DPYD: variants seen among roughly 807,000 people sequenced by gnomAD.
DPYD encodes the protein dihydropyrimidine dehydrogenase.
A neutral mutation model predicts 116.2 loss-of-function variants in DPYD; 109 were observed. That is an observed-to-expected ratio of 0.94 (90% CI 0.80 to 1.10). The LOEUF is 1.10. Ranked by LOEUF, DPYD falls within the 50% of genes least tolerant of loss-of-function variation. The pLI is 0.00. For synonymous variants in DPYD, 440 were observed against 432.0 expected (o/e 1.02, Z -0.23); for missense variants, 1,302 against 1,254.5 (o/e 1.04, Z -0.57).
chr1:97,805,679 C>G (rs1457483421), intron 3 of DPYD, among the ~76,000 whole-genome samples: 1 of 151,462 alleles, frequency 6.6e-6, no homozygotes. Context: ...CATAAGAGAT[C>G]TGAGAAAGCA....
intron 19 of DPYD, among the ~76,000 whole-genome samples, chr1:97,202,067 C>CT (rs1160871978): frequency 6.6e-6 from 1 of 152,028 alleles, no homozygotes; most frequent in Admixed American, 6.6e-5. Flanking sequence ...AGAAATCTGG[C>CT]TTTGAGTTCA....
intron 19 of DPYD, among the ~76,000 whole-genome samples, chr1:97,203,778 C>A (rs1570662722): frequency 1.3e-5 from 1 of 77,156 alleles, no homozygotes; most frequent in African/African-American, 5.6e-5. Context: ...AATAACTAAG[C>A]AGACATTCAC....
chr1:97,539,406 C>T (rs1650261359), intron 12 of DPYD, among the ~76,000 whole-genome samples: 1 of 151,970 alleles, frequency 6.6e-6, no homozygotes, highest in Non-Finnish European at 1.5e-5. Context: ...GTGCTCTATA[C>T]AAATTATTTT....
intron 14 of DPYD, among the ~76,000 whole-genome samples, chr1:97,401,606 G>A (rs762969602): frequency 3.7e-4 from 57 of 152,178 alleles, no homozygotes; most frequent in Non-Finnish European, 7.1e-4. Flanking sequence ...GAGCCACTGC[G>A]CCCAGCCAGA....
Position 97,549,662 on chromosome 1 carries a change from T to C in DPYD, c.1422A>G (p.Ala474=). The change falls in exon 12 of 23, where the codon GCA becomes GCG. Residue 474 remains alanine, a synonymous_variant. Transcript: ENST00000370192. ...VDPETMQTSE[A]WVFAGGDVVG... ...CGACATCACCACCTGCAAATACCCA[T>C]GCTTCACTAGTTTGCATAGTTTCTG... is the stretch of plus-strand genomic sequence containing the variant. 4 of 1,613,914 alleles carry C rather than the reference T, an allele frequency of 2.5e-6. No homozygotes were observed. Among genetic ancestry groups the C allele is most frequent in the Non-Finnish European group, 3.4e-6 (4 of 1,179,896 alleles).
At chr1:97,803,423 GA>G in intron 3 of DPYD, among the ~76,000 whole-genome samples, 1 of 151,892 alleles carries the variant, frequency 6.6e-6, no homozygotes, top group East Asian at 1.9e-4. Context: ...AAAATAGTAT[GA>G]CAGAAAAAAA....
intron 2 of DPYD, among the ~76,000 whole-genome samples, chr1:97,872,521 G>A (rs1349634683): frequency 1.3e-5 from 2 of 151,878 alleles, no homozygotes; most frequent in Admixed American, 1.3e-4. Flanking sequence ...GAAATTAAGA[G>A]TTAACACTTT....
intron 1 of DPYD, among the ~76,000 whole-genome samples, chr1:97,886,261 T>A (rs1038712979): frequency 1.3e-5 from 2 of 152,074 alleles, no homozygotes; most frequent in Admixed American, 1.3e-4. Flanking sequence ...TTGAGGGCTA[T>A]GGTATCTCCC....
chr1:97,870,572 T>A (rs767749840), intron 2 of DPYD, among the ~76,000 whole-genome samples: 3 of 151,724 alleles, frequency 2.0e-5, no homozygotes, highest in Non-Finnish European at 4.4e-5. Flanking sequence ...ATATTAATGA[T>A]CTCACTTTTG....
At chr1:97,361,112 A>G (rs749184726) in intron 16 of DPYD, among the ~76,000 whole-genome samples, 1 of 152,206 alleles carries the variant, frequency 6.6e-6, no homozygotes, top group Non-Finnish European at 1.5e-5. Context: ...ATAATAAATG[A>G]TAAAGGGGAT....
At chr1:97,729,248 C>A (rs1052348901) in intron 4 of DPYD, among the ~76,000 whole-genome samples, 1 of 152,106 alleles carries the variant, frequency 6.6e-6, no homozygotes, top group African/African-American at 2.4e-5. Flanking sequence ...AAGTCATCAA[C>A]TGAATTTGAA....
chr1:97,518,190 C>T lies in DPYD; in HGVS notation c.1525-2249G>A, dbSNP rs573545226. On this transcript the variant is annotated intron_variant, in intron 12 of 22. Transcript: ENST00000370192. ...ACAAAGCAAACAATAATAAAATACA[C>T]ACACACACACACAGACACAATTCTT... is the stretch of plus-strand genomic sequence containing the variant. Among the ~76,000 whole-genome samples the T allele has an allele frequency of 1.6e-3, 243 of 151,974 alleles. 2 individuals are homozygous for T. The highest frequency in any genetic ancestry group is 5.6e-3 in the African/African-American group (233 of 41,486).
At chr1:97,145,036 T>TA (rs1228702525) in intron 20 of DPYD, among the ~76,000 whole-genome samples, 1 of 152,110 alleles carries the variant, frequency 6.6e-6, no homozygotes, top group Non-Finnish European at 1.5e-5. Context: ...GCACTACTAA[T>TA]AGGAGAAGAT....
At chr1:97,664,236 G>C (rs890279932) in intron 8 of DPYD, among the ~76,000 whole-genome samples, 8 of 151,802 alleles carry the variant, frequency 5.3e-5, no homozygotes, top group Non-Finnish European at 1.0e-4. Context: ...GATAAAGTTG[G>C]ATTCTAAGGA....
chr1:97,154,099 G>C (rs1472666343), intron 20 of DPYD, among the ~76,000 whole-genome samples: 1 of 150,920 alleles, frequency 6.6e-6, no homozygotes, highest in African/African-American at 2.4e-5. Flanking sequence ...ATTCCTTAAA[G>C]AACTAAAAGT....
chr1:97,766,324 A>G (rs1005373434), intron 3 of DPYD, among the ~76,000 whole-genome samples: 2 of 152,240 alleles, frequency 1.3e-5, no homozygotes, highest in Admixed American at 1.3e-4. Context: ...GTATGGTAAG[A>G]TAAGTTTTTA....
At chr1:97,135,606 G>T (rs1364851873) in intron 20 of DPYD, among the ~76,000 whole-genome samples, 1 of 152,044 alleles carries the variant, frequency 6.6e-6, no homozygotes, top group Admixed American at 6.6e-5. Context: ...GAACATGAGT[G>T]GAATAGTTGT....
At chr1:97,540,334 G>A (rs1650336485) in intron 12 of DPYD, among the ~76,000 whole-genome samples, 1 of 137,098 alleles carries the variant, frequency 7.3e-6, no homozygotes, top group Admixed American at 7.2e-5. Context: ...TGGGGGGTGG[G>A]GGGTGGGGGT....
chr1:97,393,966 TTTTTAATGATGGCCA>T (rs1336594188), intron 14 of DPYD, among the ~76,000 whole-genome samples: 2 of 152,180 alleles, frequency 1.3e-5, no homozygotes, highest in African/African-American at 4.8e-5. Flanking sequence ...GTTTCCTGAC[TTTTTAATGATGGCCA>T]TTCTAACTGG....
Sources: allele counts gnomAD v4.1 joint callset (sites outside exome capture counted in the v4.1 genomes callset), GRCh38; gene constraint gnomAD v4.1.1; transcripts MANE v1.5; gene names NCBI Gene and HGNC (gene_info 2026-07-23, HGNC 2026-07-21).